BCAT2: variants seen among roughly 807,000 people sequenced by gnomAD.
The protein encoded by BCAT2 is branched chain amino acid transaminase 2, also known as branched-chain-amino-acid aminotransferase, mitochondrial.
BCAT2 carries 44 observed loss-of-function variants against 52.9 expected under a neutral mutation model. The ratio of observed to expected loss-of-function variants is 0.83; its 90% CI spans 0.65 to 1.07. BCAT2 has a LOEUF of 1.07. Ranked by LOEUF, BCAT2 falls within the 50% of genes least tolerant of loss-of-function variation. The pLI, the probability that BCAT2 is intolerant of heterozygous loss-of-function variation, is 0.00. For missense variants in BCAT2, 478 were observed against 521.8 expected (o/e 0.92, Z 0.82); for synonymous variants, 215 against 217.1 (o/e 0.99, Z 0.08).
chr19:48,797,435 C>T, intron 6 of BCAT2, 102 bp from the exon 7 acceptor site: 1 of 1,412,176 alleles, frequency 7.1e-7, no homozygotes, highest in Non-Finnish European at 9.7e-7. Flanking sequence ...TCCCTGCTCA[C>T]AGCTCTCACA....
In BCAT2 at chr19:48,806,983, G is replaced by A. The variant is rs2034800281; in HGVS notation, c.99+17C>T. On this transcript the variant is annotated intron_variant, in intron 2 of 10. Transcript: ENST00000316273. Reference sequence around the variant, plus strand: ...CCCTCCTCTCTCAGAGCCAAGCATCGAGTTCCCTCCTTTCACCTTGAAACT... The same window carrying A: ...CCCTCCTCTCTCAGAGCCAAGCATCAAGTTCCCTCCTTTCACCTTGAAACT... The A allele has an allele frequency of 7.4e-6, 12 of 1,611,156 alleles. No homozygotes were observed. Among genetic ancestry groups the A allele is most frequent in the East Asian group, 4.5e-5 (2 of 44,810 alleles).
At chr19:48,804,416 C>T (rs932808749) in intron 3 of BCAT2, among the ~76,000 whole-genome samples, 10 of 147,676 alleles carry the variant, frequency 6.8e-5, no homozygotes, top group East Asian at 6.2e-4. Context: ...TGGTGGCGGG[C>T]GCCTGTAATC....
intron 1 of BCAT2, chr19:48,808,331 GAA>G (rs919189865): frequency 1.1e-6 from 1 of 872,480 alleles, no homozygotes; most frequent in Non-Finnish European, 1.4e-6. Flanking sequence ...GAGCCAAGAT[GAA>G]AAAAAGAGAG....
chr19:48,795,193 G>A lies in BCAT2; in HGVS notation c.*233C>T. 4 of 599,940 alleles carry A rather than the reference G, an allele frequency of 6.7e-6. No individual in the cohort carries two copies. The highest frequency in any genetic ancestry group is 5.9e-5 in the South Asian group (3 of 51,168). 37.2% of individuals were successfully genotyped at this position (599,940 alleles called of 1,614,324 possible). On this transcript the variant is annotated 3_prime_UTR_variant, in exon 11 of 11. Coordinates refer to ENST00000316273, the MANE Select transcript of BCAT2 (RefSeq NM_001190.4). Reference sequence around the variant, plus strand: ...GGCCAAGGTGTATCCTTGACCGCACGACAAGGAGTAATGGGCGGACCTGAA... The same window carrying A: ...GGCCAAGGTGTATCCTTGACCGCACAACAAGGAGTAATGGGCGGACCTGAA...
intron 1 of BCAT2, 117 bp downstream of exon 1, chr19:48,810,867 G>GGAAC: frequency 9.8e-6 from 15 of 1,532,164 alleles, no homozygotes; most frequent in Non-Finnish European, 1.3e-5. Flanking sequence ...GCCCTGCAGC[G>GGAAC]GAACCCCAGG....
intron 1 of BCAT2, among the ~76,000 whole-genome samples, chr19:48,808,661 AGGAGAATT>A (rs2034847986): frequency 6.6e-6 from 1 of 152,144 alleles, no homozygotes; most frequent in Admixed American, 6.6e-5. Context: ...AAGCTGAGGC[AGGAGAATT>A]GCTTAAACCC....
chr19:48,804,525 AGAGT>A (rs1339642040), intron 3 of BCAT2, among the ~76,000 whole-genome samples: 1 of 152,208 alleles, frequency 6.6e-6, no homozygotes. Flanking sequence ...CCTGGGGGAC[AGAGT>A]GAGACTCTGT....
chr19:48,806,421 C>A (rs1238008453), intron 3 of BCAT2, 96 bp downstream of exon 3: 2 of 1,486,230 alleles, frequency 1.3e-6, no homozygotes, highest in Admixed American at 1.8e-5. Context: ...GAGAAACACA[C>A]AACAAACAAA....
intron 1 of BCAT2, 56 bp downstream of exon 1, chr19:48,810,928 G>T (rs1490579166): frequency 1.9e-6 from 3 of 1,590,546 alleles, no homozygotes; most frequent in Admixed American, 1.7e-5. Flanking sequence ...TGGTCTTCCC[G>T]GAAGTGCGCC....
rs35775607 is a variant in BCAT2 at position 48,802,441 on chromosome 19, CTTTTTTT to C, written c.301-2151_301-2145del. 1.1e-4 allele frequency among the ~76,000 whole-genome samples: 10 copies of C among 87,040 alleles called. No individual in the cohort carries two copies. In the East Asian group the frequency reaches 2.6e-3, roughly 22 times the overall value. The allele number at this position is 87,040 out of a possible 152,430, so 57.1% of individuals were successfully genotyped here. On this transcript the variant is annotated intron_variant, in intron 3 of 10. Coordinates refer to ENST00000316273, the MANE Select transcript of BCAT2 (RefSeq NM_001190.4). ...AAGAAGGGACGTGTGTACTGGATTC[CTTTTTTT>C]TTTTTTTTTTTTTTTTTGAGATGGA... is the stretch of plus-strand genomic sequence containing the variant.
chr19:48,803,669 G>A (rs991139281), intron 3 of BCAT2, among the ~76,000 whole-genome samples: 5 of 151,972 alleles, frequency 3.3e-5, no homozygotes, highest in Admixed American at 2.0e-4. Flanking sequence ...GTAACATGGT[G>A]AAACCCCATC....
rs2034480738 is a variant in BCAT2, at chr19:48,795,402, G to A, written c.*24C>T. 6.2e-7 allele frequency: 1 copy of A among 1,613,868 alleles called. No individual in the cohort carries two copies. Among genetic ancestry groups the A allele is most frequent in the Non-Finnish European group, 8.5e-7 (1 of 1,179,968 alleles). On this transcript the variant is annotated 3_prime_UTR_variant, in exon 11 of 11. Transcript: ENST00000316273. The stretch of plus-strand genomic sequence containing the variant: ...GCGTGACGAGATGCTACGGGTCGGT[G>A]GATCTGGAGCACAGCCTGCAGCTTC...
intron 3 of BCAT2, 51 bp downstream of exon 3, chr19:48,806,466 G>A: frequency 6.3e-7 from 1 of 1,596,826 alleles, no homozygotes; most frequent in Non-Finnish European, 8.6e-7. Context: ...GACACAGCAA[G>A]GAGGAGGAGA....
Position 48,799,777 on chromosome 19 carries a change from C to T in BCAT2, c.593G>A (p.Gly198Asp). The T allele has an allele frequency of 6.4e-7, 1 of 1,569,964 alleles. No homozygotes were observed. The highest frequency in any genetic ancestry group is 2.3e-5 in the East Asian group (1 of 43,016). The change falls in exon 6 of 11, where the codon GGT becomes GAT. Residue 198 changes from glycine (G) to aspartate (D), a missense_variant. Coordinates refer to ENST00000316273, the MANE Select transcript of BCAT2 (RefSeq NM_001190.4). The surrounding 1 kb of genome is among the most constrained non-coding windows in gnomAD (Gnocchi z 5.5). ...CACGGAGCCTCCAGGGAAGTAGGCA[C>T]CCACTGGGCAGAGAATGACGAACAG... ...ALLFVILCPV[G>D]AYFPGGSVTP...
rs1366287264 is a variant in BCAT2 at position 48,799,527 on chromosome 19, G to A, written c.695+148C>T. ...TTCCATGGTTTGTTTTCAGGGACCA[G>A]GGAGGTCACTTAGCACTGAGCCCTG... is the stretch of plus-strand genomic sequence containing the variant. On this transcript the variant is annotated intron_variant, in intron 6 of 10. Transcript: ENST00000316273. The surrounding 1 kb of genome is among the most constrained non-coding windows in gnomAD (Gnocchi z 5.5). 2.0e-6 allele frequency: 2 copies of A among 1,005,002 alleles called. No individual in the cohort carries two copies. Among genetic ancestry groups the A allele is most frequent in the East Asian group, 3.1e-5 (1 of 31,856 alleles). The allele number at this position is 1,005,002 out of a possible 1,614,324, so 62.3% of individuals were successfully genotyped here. A position where few individuals can be genotyped will look rare whatever the true frequency, so the allele number is the denominator to read the frequency against.
chr19:48,799,555 C>T lies in BCAT2; in HGVS notation c.695+120G>A. 5 of 1,295,580 alleles carry T rather than the reference C, an allele frequency of 3.9e-6. No homozygotes were observed. Among genetic ancestry groups the T allele is most frequent in the Admixed American group, 3.1e-5 (1 of 32,690 alleles). The allele number at this position is 1,295,580 out of a possible 1,614,324, so 80.3% of individuals were successfully genotyped here. ...AGGTCACTTAGCACTGAGCCCTGCA[C>T]GGTGCTGATGATGTCACCTTCATGT... On this transcript the variant is annotated intron_variant, in intron 6 of 10. Transcript: ENST00000316273. The surrounding 1 kb of genome is among the most constrained non-coding windows in gnomAD (Gnocchi z 5.5).
At chr19:48,796,078 A>C (rs2034504347) in intron 10 of BCAT2, 1 of 465,518 alleles carries the variant, frequency 2.1e-6, no homozygotes, top group South Asian at 4.3e-5. Context: ...AGAGGATCAC[A>C]GGGAGGGAGT....
At position 48,796,398 on chromosome 19, in the gene BCAT2, C is replaced by T. The variant is rs920381904; in HGVS notation, c.1140+30G>A. The T allele has an allele frequency of 1.9e-6, 3 of 1,613,662 alleles. No homozygotes were observed. The East Asian group carries it at 6.7e-5, about 36-fold the overall frequency. On this transcript the variant is annotated intron_variant, in intron 10 of 10. Coordinates refer to ENST00000316273, the MANE Select transcript of BCAT2 (RefSeq NM_001190.4). ...CCAACTTCTCCAGGGAACAAGCTCC[C>T]AGCCCATTCCCCAGCTCCCTGCAGC... is the stretch of plus-strand genomic sequence containing the variant.
chr19:48,799,570 C>T lies in BCAT2; in HGVS notation c.695+105G>A. ...GAGCCCTGCACGGTGCTGATGATGT[C>T]ACCTTCATGTGACATCCAGAGGCAT... On this transcript the variant is annotated intron_variant, in intron 6 of 10. Transcript: ENST00000316273. The surrounding 1 kb of genome is among the most constrained non-coding windows in gnomAD (Gnocchi z 5.5). The T allele has an allele frequency of 7.2e-7, 1 of 1,380,048 alleles. No homozygotes were observed. The highest frequency in any genetic ancestry group is 9.6e-7 in the Non-Finnish European group (1 of 1,039,086). The allele number at this position is 1,380,048 out of a possible 1,614,324, so 85.5% of individuals were successfully genotyped here.
Sources: gnomAD v4.1 joint callset for allele counts (sites outside exome capture counted in the v4.1 genomes callset) on GRCh38, gnomAD v4.1.1 for gene constraint, Gnocchi (gnomAD v3.1) non-coding constraint, MANE v1.5 for transcripts, NCBI Gene and HGNC (gene_info 2026-07-23, HGNC 2026-07-21) for gene names.